Variants in TMOD2 observed in about 807,000 individuals in gnomAD.
TMOD2 encodes tropomodulin 2.
A neutral mutation model predicts 39.9 loss-of-function variants in TMOD2; 22 were observed. The observed-to-expected ratio is 0.55, with a 90% CI of 0.39 to 0.79. TMOD2 has a LOEUF of 0.79. Ranked by LOEUF, TMOD2 falls within the 30% of genes least tolerant of loss-of-function variation. TMOD2 has a pLI of 0.00. For synonymous variants in TMOD2, 123 were observed against 146.1 expected, an observed-to-expected ratio of 0.84 and a Z score of 1.14; for missense variants, 386 against 413.3, an observed-to-expected ratio of 0.93 and a Z score of 0.57.
At chr15:51,791,981 G>A (rs1283607474) in intron 7 of TMOD2, among the ~76,000 whole-genome samples, 1 of 152,024 alleles carries the variant, frequency 6.6e-6, no homozygotes, top group Admixed American at 6.6e-5. Context: ...AAAAGCAATG[G>A]CAACGCAACA....
chr15:51,815,930 A>C lies in TMOD2; in HGVS notation c.*7476A>C, dbSNP rs1191037873. The C allele has an allele frequency of 6.6e-6, 1 of 152,146 alleles. No individual in the cohort carries two copies. Among genetic ancestry groups the C allele is most frequent in the Non-Finnish European group, 1.5e-5 (1 of 68,008 alleles). 9.4% of individuals were successfully genotyped at this position (152,146 alleles called of 1,614,324 possible). A position where few individuals can be genotyped will look rare whatever the true frequency, so the allele number is the denominator to read the frequency against. On this transcript the variant is annotated 3_prime_UTR_variant, in exon 10 of 10. Transcript: ENST00000249700. The stretch of plus-strand genomic sequence containing the variant: ...GCAAACTGTTTAAACAAGTGTTTAA[A>C]CTTCTATTGGCAACATTTATTGGGC...
At chr15:51,788,916 A>C (rs2055989810) in intron 7 of TMOD2, among the ~76,000 whole-genome samples, 1 of 152,274 alleles carries the variant, frequency 6.6e-6, no homozygotes, top group African/African-American at 2.4e-5. Context: ...CCAAATTGTA[A>C]AGACCGTCAA....
At chr15:51,781,829 T>TGA (rs1296835151) in intron 6 of TMOD2, among the ~76,000 whole-genome samples, 3 of 145,876 alleles carry the variant, frequency 2.1e-5, no homozygotes, top group Non-Finnish European at 4.6e-5. Flanking sequence ...AGAGAGTGTG[T>TGA]GTGTGTGTGT....
intron 1 of TMOD2, among the ~76,000 whole-genome samples, chr15:51,755,045 C>T (rs900623157): frequency 1.3e-5 from 2 of 152,198 alleles, no homozygotes; most frequent in African/African-American, 4.8e-5. Flanking sequence ...TGGATCATAA[C>T]AGTTTGACCC....
In TMOD2 at chr15:51,807,650, G is replaced by A. The variant is rs376618102; in HGVS notation, c.1022-770G>A. 3.2e-4 allele frequency among the ~76,000 whole-genome samples: 48 copies of A among 152,284 alleles called. No homozygotes were observed. The South Asian group carries it at 9.3e-3, about 30-fold the overall frequency. On this transcript the variant is annotated intron_variant, in intron 9 of 9. Transcript: ENST00000249700. ...GAGAGGTCTGAAGAAAATGGACAGG[G>A]CAGCCTACGTCCAAGAAGCAGCAAC...
Position 51,766,414 on chromosome 15 carries a change from G to T in TMOD2, c.-28G>T. 6.2e-7 allele frequency: 1 copy of T among 1,608,590 alleles called. No homozygotes were observed. The highest frequency in any genetic ancestry group is 8.5e-7 in the Non-Finnish European group (1 of 1,177,308). The stretch of plus-strand genomic sequence containing the variant: ...GAAACTGGACCATTTAAATGTGCAT[G>T]GCCCATGAGAAAGGCTTATAAGAAG... On this transcript the variant is annotated 5_prime_UTR_variant, in exon 2 of 10. The change abolishes an upstream ATG in the 5' untranslated region. Transcript: ENST00000249700.
At chr15:51,787,414 G>C (rs1595872874) in intron 7 of TMOD2, among the ~76,000 whole-genome samples, 2 of 152,252 alleles carry the variant, frequency 1.3e-5, no homozygotes, top group African/African-American at 4.8e-5. Context: ...TTCCACCTCT[G>C]GGGGCAGGGC....
At chr15:51,757,633 G>T (rs530411973) in intron 1 of TMOD2, among the ~76,000 whole-genome samples, 144 of 152,266 alleles carry the variant, frequency 9.5e-4, no homozygotes, top group Non-Finnish European at 1.6e-3. Flanking sequence ...CATATTGCAT[G>T]TTAAATGCTT....
intron 7 of TMOD2, among the ~76,000 whole-genome samples, chr15:51,795,116 C>T (rs906438763): frequency 2.6e-5 from 4 of 152,110 alleles, no homozygotes; most frequent in Non-Finnish European, 5.9e-5. Flanking sequence ...TTTCACTTGT[C>T]TGTTCACTTA....
chr15:51,771,292 C>T (rs566257008), intron 3 of TMOD2, among the ~76,000 whole-genome samples: 12 of 152,250 alleles, frequency 7.9e-5, no homozygotes, highest in Non-Finnish European at 1.5e-4. Context: ...CCAGGAGCAG[C>T]GGGAGGCTAC....
intron 5 of TMOD2, among the ~76,000 whole-genome samples, chr15:51,779,911 G>A (rs1024195433): frequency 6.6e-6 from 1 of 152,106 alleles, no homozygotes; most frequent in Non-Finnish European, 1.5e-5. Context: ...CAAACTCCCT[G>A]CCTCAAGAAA....
At chr15:51,767,709 A>G (rs2055825239) in intron 2 of TMOD2, among the ~76,000 whole-genome samples, 2 of 152,306 alleles carry the variant, frequency 1.3e-5, no homozygotes, top group Admixed American at 6.5e-5. Flanking sequence ...AAAATTATGT[A>G]TATGGTATTC....
intron 8 of TMOD2, among the ~76,000 whole-genome samples, chr15:51,803,184 T>TA (rs11393127): frequency 1.4e-5 from 2 of 139,722 alleles, no homozygotes; most frequent in Admixed American, 1.4e-4. Context: ...TTTTTTTTTT[T>TA]TTTTTTTCTT....
chr15:51,790,997 C>G (rs981757828), intron 7 of TMOD2, among the ~76,000 whole-genome samples: 2 of 152,150 alleles, frequency 1.3e-5, no homozygotes, highest in African/African-American at 4.8e-5. Context: ...ATTAGAAGTT[C>G]TGGCCAGGAC....
intron 7 of TMOD2, among the ~76,000 whole-genome samples, chr15:51,785,576 A>G (rs2055963848): frequency 6.6e-6 from 1 of 152,182 alleles, no homozygotes. Flanking sequence ...AAGCAAAAAA[A>G]AATAAATATA....
intron 4 of TMOD2, among the ~76,000 whole-genome samples, chr15:51,774,995 T>C (rs2141622369): frequency 6.6e-6 from 1 of 152,200 alleles, no homozygotes; most frequent in South Asian, 2.1e-4. Context: ...TTACTCAGCT[T>C]CCCTCCCTCG....
intron 7 of TMOD2, among the ~76,000 whole-genome samples, chr15:51,792,789 T>G (rs2056021555): frequency 6.6e-6 from 1 of 152,148 alleles, no homozygotes; most frequent in African/African-American, 2.4e-5. Context: ...CCGCATGTTC[T>G]CACTCATAAG....
chr15:51,775,518 CCTT>C (rs1014207072), intron 4 of TMOD2, among the ~76,000 whole-genome samples: 5 of 151,270 alleles, frequency 3.3e-5, no homozygotes, highest in African/African-American at 9.7e-5. Flanking sequence ...AAATGGGACA[CCTT>C]CTCCTTCTCC....
chr15:51,780,149 T>A (rs1286387392), intron 5 of TMOD2, among the ~76,000 whole-genome samples: 1 of 152,232 alleles, frequency 6.6e-6, no homozygotes, highest in Non-Finnish European at 1.5e-5. Context: ...TATGTATCTG[T>A]GCTATTTTTG....
Sources: allele counts gnomAD v4.1 joint callset (sites outside exome capture counted in the v4.1 genomes callset), GRCh38; gene constraint gnomAD v4.1.1; transcripts MANE v1.5; gene names NCBI Gene and HGNC (gene_info 2026-07-23, HGNC 2026-07-21).